The following CSGALNACT2 variants were observed in gnomAD, a reference collection of about 807,000 sequenced individuals.
CSGALNACT2 encodes the protein chondroitin sulfate N-acetylgalactosaminyltransferase 2.
A neutral mutation model predicts 55.3 loss-of-function variants in CSGALNACT2; 35 were observed. That is an observed-to-expected ratio of 0.63 (90% CI 0.48 to 0.84). The LOEUF (loss-of-function observed/expected upper bound fraction) is 0.84, where lower values mean the gene tolerates loss of function less well. CSGALNACT2 is among the 40% of genes least tolerant of loss of function. CSGALNACT2 has a pLI of 0.00. For synonymous variants in CSGALNACT2, 196 were observed against 224.9 expected, an observed-to-expected ratio of 0.87 and a Z score of 1.15; for missense variants, 544 against 657.5, an observed-to-expected ratio of 0.83 and a Z score of 1.89.
At chr10:43,147,222 G>A (rs1231737312) in intron 1 of CSGALNACT2, among the ~76,000 whole-genome samples, 1 of 151,702 alleles carries the variant, frequency 6.6e-6, no homozygotes, top group Non-Finnish European at 1.5e-5. Flanking sequence ...TGATCCGCCC[G>A]CCTCGGCCTC....
chr10:43,158,771 G>A lies in CSGALNACT2; in HGVS notation c.718G>A (p.Ala240Thr). 1.9e-6 allele frequency: 3 copies of A among 1,612,700 alleles called. No individual in the cohort carries two copies. Among genetic ancestry groups the A allele is most frequent in the East Asian group, 4.5e-5 (2 of 44,844 alleles). Residue 240 changes from alanine to threonine, a missense_variant, in exon 3 of 8, where the codon GCA becomes ACA. This residue lies in a region of CSGALNACT2 where 374 missense variants were observed against 401.3 expected (regional missense o/e 0.93). Coordinates refer to ENST00000374466, the MANE Select transcript of CSGALNACT2 (RefSeq NM_018590.5). ...GTQYELFFKK[A>T]DLTEYRHVTL... The stretch of plus-strand genomic sequence containing the variant: ...ACAGTATGAACTCTTTTTTAAGAAA[G>A]CAGACCTTACGGAATATAGACATGT...
At chr10:43,153,729 C>T (rs1838931191) in intron 1 of CSGALNACT2, among the ~76,000 whole-genome samples, 1 of 152,126 alleles carries the variant, frequency 6.6e-6, no homozygotes, top group South Asian at 2.1e-4. Flanking sequence ...CCTCCCTTGT[C>T]CTAAGTTAAA....
In CSGALNACT2 at chr10:43,155,502, G is replaced by A; in HGVS notation, c.353G>A (p.Ser118Asn). The change falls in exon 2 of 8, where the codon AGT becomes AAT. Residue 118 changes from serine (S) to asparagine (N), a missense_variant. Ser to Asn is a conservative substitution (Grantham distance 46). This residue lies in a region of CSGALNACT2 where 374 missense variants were observed against 401.3 expected (regional missense o/e 0.93). Coordinates refer to ENST00000374466, the MANE Select transcript of CSGALNACT2 (RefSeq NM_018590.5). ...CAGAGCAACAAAGAGCAAGCACCTA[G>A]TGATCTTTTAGAGTTTCTTCATTCC... ...GYQSNKEQAP[S>N]DLLEFLHSQI... is the part of the protein sequence containing the mutation. 1 of 1,614,220 alleles carries A rather than the reference G, an allele frequency of 6.2e-7. No individual in the cohort carries two copies. Among genetic ancestry groups the A allele is most frequent in the Non-Finnish European group, 8.5e-7 (1 of 1,180,038 alleles).
At chr10:43,149,910 A>G (rs1838839621) in intron 1 of CSGALNACT2, among the ~76,000 whole-genome samples, 2 of 152,162 alleles carry the variant, frequency 1.3e-5, no homozygotes, top group Non-Finnish European at 2.9e-5. Flanking sequence ...TCTACTAAAA[A>G]TACAGAATTA....
intron 1 of CSGALNACT2, among the ~76,000 whole-genome samples, chr10:43,149,936 G>A (rs1368469178): frequency 1.3e-5 from 2 of 152,092 alleles, no homozygotes; most frequent in African/African-American, 2.4e-5. Flanking sequence ...GCGTGGTGGT[G>A]CATGCCTGTA....
At chr10:43,165,715 G>A (rs1394369721) in intron 5 of CSGALNACT2, among the ~76,000 whole-genome samples, 1 of 152,192 alleles carries the variant, frequency 6.6e-6, no homozygotes. Flanking sequence ...AAGAGGCTGG[G>A]CGTGGTGGTT....
chr10:43,139,859 C>T (rs995721680), intron 1 of CSGALNACT2, among the ~76,000 whole-genome samples: 4 of 152,182 alleles, frequency 2.6e-5, no homozygotes, highest in Admixed American at 2.6e-4. Context: ...AGTTGATGGA[C>T]ATTTATGTTC....
At chr10:43,148,890 T>TG (rs1838816881) in intron 1 of CSGALNACT2, among the ~76,000 whole-genome samples, 2 of 152,212 alleles carry the variant, frequency 1.3e-5, no homozygotes, top group South Asian at 4.1e-4. Context: ...CTTGCCTAAT[T>TG]GCCTTGGCTA....
chr10:43,156,535 T>C (rs746448650), intron 2 of CSGALNACT2, among the ~76,000 whole-genome samples: 2 of 152,242 alleles, frequency 1.3e-5, no homozygotes, highest in Non-Finnish European at 2.9e-5. Context: ...TTCTTGAAAG[T>C]TCTCTTTGCT....
intron 5 of CSGALNACT2, among the ~76,000 whole-genome samples, chr10:43,165,452 A>G (rs1439720895): frequency 6.6e-6 from 1 of 152,068 alleles, no homozygotes; most frequent in Non-Finnish European, 1.5e-5. Flanking sequence ...GTATGAATGT[A>G]GCAAAACATA....
chr10:43,164,343 G>A (rs1243828677), intron 5 of CSGALNACT2, among the ~76,000 whole-genome samples: 1 of 152,200 alleles, frequency 6.6e-6, no homozygotes, highest in Non-Finnish European at 1.5e-5. Context: ...GTGCAGGTCA[G>A]AAAAAGAGCT....
intron 1 of CSGALNACT2, among the ~76,000 whole-genome samples, chr10:43,147,143 T>G (rs562668376): frequency 0.011 from 1,710 of 150,622 alleles, 12 homozygotes; most frequent in Non-Finnish European, 0.019. Context: ...GCCCGGCTAA[T>G]TTTTTGTATT....
rs1187509757 is a variant in CSGALNACT2, at chr10:43,139,026, ACT to A, written c.-254+462_-254+463del. Among the ~76,000 whole-genome samples, 4 of 151,828 alleles carry A rather than the reference ACT, an allele frequency of 2.6e-5. No homozygotes were observed. The East Asian group carries it at 5.8e-4, about 22-fold the overall frequency. ...TGTCGGAGAATGCACCTTAAAAATG[ACT>A]CTACCCTTGAGCAACGCAGGAAGCA... On this transcript the variant is annotated intron_variant, in intron 1 of 7. Coordinates refer to ENST00000374466, the MANE Select transcript of CSGALNACT2 (RefSeq NM_018590.5).
At position 43,141,594 on chromosome 10, in the gene CSGALNACT2, A is replaced by G. The variant is rs116660948; in HGVS notation, c.-254+3027A>G. Reference sequence around the variant, plus strand: ...TTCAGGCAGTGGAGGCTGCCACTGCACTTCAGCCTGGCTGACAGTGAAACT... The same window carrying G: ...TTCAGGCAGTGGAGGCTGCCACTGCGCTTCAGCCTGGCTGACAGTGAAACT... On this transcript the variant is annotated intron_variant, in intron 1 of 7. Coordinates refer to ENST00000374466, the MANE Select transcript of CSGALNACT2 (RefSeq NM_018590.5). 9.0e-3 allele frequency among the ~76,000 whole-genome samples: 1,165 copies of G among 129,880 alleles called. 19 individuals are homozygous for G. The highest frequency in any genetic ancestry group is 0.034 in the African/African-American group (1,126 of 33,402). 85.2% of individuals were successfully genotyped at this position (129,880 alleles called of 152,430 possible). A position where few individuals can be genotyped will look rare whatever the true frequency, so the allele number is the denominator to read the frequency against.
chr10:43,143,775 C>T (rs149768907), intron 1 of CSGALNACT2, among the ~76,000 whole-genome samples: 21 of 152,232 alleles, frequency 1.4e-4, no homozygotes, highest in Non-Finnish European at 2.4e-4. Context: ...TCCAGAAACA[C>T]GCTGTTAAAA....
chr10:43,142,795 G>C (rs1588888670), intron 1 of CSGALNACT2, among the ~76,000 whole-genome samples: 1 of 152,200 alleles, frequency 6.6e-6, no homozygotes, highest in East Asian at 1.9e-4. Context: ...AGCATGGATT[G>C]CATGGTAAAT....
intron 1 of CSGALNACT2, among the ~76,000 whole-genome samples, chr10:43,149,797 G>T (rs1488363769): frequency 6.6e-6 from 1 of 152,118 alleles, no homozygotes; most frequent in Non-Finnish European, 1.5e-5. Flanking sequence ...GCTGGGTGTG[G>T]TGGCTCACGC....
At chr10:43,177,374 T>C in intron 7 of CSGALNACT2, among the ~76,000 whole-genome samples, 1 of 152,112 alleles carries the variant, frequency 6.6e-6, no homozygotes, top group Non-Finnish European at 1.5e-5. Context: ...TTTAGAGCAT[T>C]TCACCCCAAA....
At chr10:43,167,806 G>T (rs1053265153) in intron 6 of CSGALNACT2, among the ~76,000 whole-genome samples, 6 of 151,958 alleles carry the variant, frequency 3.9e-5, no homozygotes, top group African/African-American at 1.2e-4. Flanking sequence ...ATACCAAATT[G>T]CTTTTAACAT....
Sources: gnomAD v4.1 joint callset for allele counts (sites outside exome capture counted in the v4.1 genomes callset) on GRCh38, gnomAD v4.1.1 for gene constraint, gnomAD v4.1.1 regional missense constraint, MANE v1.5 for transcripts, NCBI Gene and HGNC (gene_info 2026-07-23, HGNC 2026-07-21) for gene names.